The following SWT1 variants were observed in gnomAD, a reference collection of about 807,000 sequenced individuals.
SWT1 encodes the protein SWT1 RNA endoribonuclease homolog.
Under a neutral mutation model 107.3 loss-of-function variants are expected in SWT1, and 33 were observed. The ratio of observed to expected loss-of-function variants is 0.31; its 90% confidence interval spans 0.23 to 0.41. SWT1 has a LOEUF of 0.41. SWT1 is among the 10% of genes least tolerant of loss of function. SWT1 has a pLI of 1.00. For missense variants in SWT1, 898 were observed against 1,028.9 expected (o/e 0.87, Z 1.74); for synonymous variants, 345 against 348.3 (o/e 0.99, Z 0.11).
chr1:185,191,238 C>A lies in SWT1; in HGVS notation c.1523+596C>A, dbSNP rs376871970. ...TAAGATCTCAGTAAGTTTTCTCCCT[C>A]CTTCTCCCTTCCCCCTGCTTCTTCC... On this transcript the variant is annotated intron_variant, in intron 10 of 18. Coordinates refer to ENST00000367500, the MANE Select transcript of SWT1 (RefSeq NM_017673.7). Among the ~76,000 whole-genome samples the A allele has an allele frequency of 1.4e-4, 22 of 152,274 alleles. No individual in the cohort carries two copies. The East Asian group carries it at 3.3e-3, about 23-fold the overall frequency.
chr1:185,201,002 C>T (rs184768705), intron 10 of SWT1, among the ~76,000 whole-genome samples: 447 of 152,208 alleles, frequency 2.9e-3, no homozygotes, highest in Middle Eastern at 6.8e-3. Context: ...TGGGGCGCTG[C>T]GGTGGGCTTT....
chr1:185,258,364 AAC>A, intron 16 of SWT1, among the ~76,000 whole-genome samples: 1 of 152,244 alleles, frequency 6.6e-6, no homozygotes, highest in Non-Finnish European at 1.5e-5. Flanking sequence ...GTTACTATAT[AAC>A]ACAGTTTTTG....
intron 14 of SWT1, among the ~76,000 whole-genome samples, chr1:185,218,096 A>T (rs1466150866): frequency 6.6e-6 from 1 of 152,180 alleles, no homozygotes; most frequent in African/African-American, 2.4e-5. Flanking sequence ...GTTTTATAGA[A>T]TGTATTAGAT....
chr1:185,254,679 T>C (rs1662337816), intron 16 of SWT1, among the ~76,000 whole-genome samples: 3 of 152,210 alleles, frequency 2.0e-5, no homozygotes, highest in South Asian at 4.2e-4. Context: ...TTTTTTTCTT[T>C]ATTAGTCTTG....
chr1:185,272,711 T>C (rs1663959577), intron 17 of SWT1, among the ~76,000 whole-genome samples: 2 of 152,164 alleles, frequency 1.3e-5, no homozygotes, highest in Admixed American at 1.3e-4. Context: ...ATGTAAAATA[T>C]GCAAAGTGCT....
At chr1:185,191,253 C>G (rs1004829296) in intron 10 of SWT1, among the ~76,000 whole-genome samples, 1 of 152,150 alleles carries the variant, frequency 6.6e-6, no homozygotes, top group African/African-American at 2.4e-5. Context: ...TCCCTTCCCC[C>G]TGCTTCTTCC....
chr1:185,289,978 A>G (rs1665155305), intron 18 of SWT1, among the ~76,000 whole-genome samples: 1 of 152,106 alleles, frequency 6.6e-6, no homozygotes, highest in Non-Finnish European at 1.5e-5. Context: ...AAGAAAGTAG[A>G]GTTTGGCTAG....
At chr1:185,238,835 TAAATC>T (rs1165137715) in intron 16 of SWT1, among the ~76,000 whole-genome samples, 6 of 152,060 alleles carry the variant, frequency 3.9e-5, no homozygotes, top group Admixed American at 2.0e-4. Context: ...AAAATCATGT[TAAATC>T]AAAAGAAGCT....
At chr1:185,170,827 T>C (rs767521788) in intron 4 of SWT1, among the ~76,000 whole-genome samples, 6 of 152,136 alleles carry the variant, frequency 3.9e-5, no homozygotes, top group Non-Finnish European at 5.9e-5. Flanking sequence ...GTATACATAA[T>C]TGTGTACATC....
At chr1:185,216,935 G>C (rs1243042232) in intron 14 of SWT1, among the ~76,000 whole-genome samples, 1 of 146,822 alleles carries the variant, frequency 6.8e-6, no homozygotes, top group Non-Finnish European at 1.5e-5. Flanking sequence ...CTGGGAGACA[G>C]AGCAAGACTC....
intron 9 of SWT1, among the ~76,000 whole-genome samples, chr1:185,188,816 T>G (rs1656709255): frequency 6.6e-6 from 1 of 152,198 alleles, no homozygotes; most frequent in African/African-American, 2.4e-5. Context: ...AATTATGATC[T>G]GGGTCCAGGC....
At chr1:185,203,979 A>G (rs1658099358) in intron 11 of SWT1, among the ~76,000 whole-genome samples, 1 of 152,198 alleles carries the variant, frequency 6.6e-6, no homozygotes, top group Non-Finnish European at 1.5e-5. Context: ...GAGATAAGCC[A>G]CTTAATATTT....
rs1655371183 is a variant in SWT1 at position 185,174,525 on chromosome 1, A to G, written c.378A>G (p.Lys126=). ...ATGGAACTAAAAAAGACATACATAA[A>G]TGTGTAGACTTTAAACCTAAAGATA... is the stretch of plus-strand genomic sequence containing the variant. ...SSNGTKKDIH[K]CVDFKPKDIK... Residue 126 remains lysine, a synonymous_variant, in exon 5 of 19, where the codon AAA becomes AAG. Transcript: ENST00000367500. 6.2e-7 allele frequency: 1 copy of G among 1,609,460 alleles called. No individual in the cohort carries two copies. The highest frequency in any genetic ancestry group is 1.1e-5 in the South Asian group (1 of 89,686).
chr1:185,196,934 T>C (rs1657442368), intron 10 of SWT1, among the ~76,000 whole-genome samples: 1 of 152,212 alleles, frequency 6.6e-6, no homozygotes, highest in South Asian at 2.1e-4. Flanking sequence ...CGTATTTGAG[T>C]ACCCTTTATT....
At chr1:185,163,112 G>A (rs1385447272) in intron 2 of SWT1, among the ~76,000 whole-genome samples, 2 of 152,142 alleles carry the variant, frequency 1.3e-5, no homozygotes, top group Non-Finnish European at 2.9e-5. Flanking sequence ...ATTACGGAAG[G>A]ATGGGGTGCT....
At chr1:185,177,938 A>G (rs1054800700) in intron 5 of SWT1, among the ~76,000 whole-genome samples, 1 of 152,210 alleles carries the variant, frequency 6.6e-6, no homozygotes, top group African/African-American at 2.4e-5. Flanking sequence ...AGTATGTATC[A>G]GGCATTTTTC....
At chr1:185,277,569 C>G (rs1370865552) in intron 18 of SWT1, among the ~76,000 whole-genome samples, 1 of 152,194 alleles carries the variant, frequency 6.6e-6, no homozygotes, top group Non-Finnish European at 1.5e-5. Context: ...GGATTACAGG[C>G]TTGAGCCACC....
intron 16 of SWT1, among the ~76,000 whole-genome samples, chr1:185,268,576 G>A (rs2102720227): frequency 6.6e-6 from 1 of 152,256 alleles, no homozygotes; most frequent in South Asian, 2.1e-4. Context: ...AGAGAATAAA[G>A]GGTCACTTGC....
At chr1:185,168,068 C>T (rs188531820) in intron 3 of SWT1, among the ~76,000 whole-genome samples, 4 of 152,172 alleles carry the variant, frequency 2.6e-5, no homozygotes, top group East Asian at 3.9e-4. Flanking sequence ...CCTCAGAGTA[C>T]GTAGAGAGAT....
Sources: allele counts gnomAD v4.1 joint callset (sites outside exome capture counted in the v4.1 genomes callset), GRCh38; gene constraint gnomAD v4.1.1; transcripts MANE v1.5; gene names NCBI Gene and HGNC (gene_info 2026-07-23, HGNC 2026-07-21).